Variants in TMEM132D observed in about 807,000 individuals in gnomAD.
TMEM132D encodes transmembrane protein 132D.
In TMEM132D, 21 loss-of-function variants were observed where a neutral mutation model predicts 62.3. That is an observed-to-expected ratio of 0.34 (90% CI 0.24 to 0.49). TMEM132D has a LOEUF of 0.49. Among genes scored for constraint, TMEM132D ranks in the 20% least tolerant of loss-of-function variants. The pLI, the probability that TMEM132D is intolerant of heterozygous loss-of-function variation, is 0.99. For synonymous variants in TMEM132D, 621 were observed against 575.6 expected, an observed-to-expected ratio of 1.08 and a Z score of -1.13; for missense variants, 1,346 against 1,402.8, an observed-to-expected ratio of 0.96 and a Z score of 0.65.
At chr12:129,501,852 T>TTGTCATCATCACTATCTTGGG (rs1875153453) in intron 3 of TMEM132D, among the ~76,000 whole-genome samples, 3 of 152,076 alleles carry the variant, frequency 2.0e-5, no homozygotes, top group Non-Finnish European at 4.4e-5. Flanking sequence ...ATGTGAGGGC[T>TTGTCATCATCACTATCTTGGG]TGTCATCATC....
intron 3 of TMEM132D, among the ~76,000 whole-genome samples, chr12:129,373,877 G>A (rs1263727599): frequency 1.3e-5 from 2 of 152,136 alleles, no homozygotes; most frequent in East Asian, 1.9e-4. Context: ...ATTATCATTC[G>A]ATTTCCCATT....
At chr12:129,385,949 A>G (rs947810161) in intron 3 of TMEM132D, among the ~76,000 whole-genome samples, 4 of 152,140 alleles carry the variant, frequency 2.6e-5, no homozygotes, top group Non-Finnish European at 5.9e-5. Flanking sequence ...CCTCTTAGCT[A>G]ACATCCACTG....
chr12:129,263,166 T>C (rs2135596380), intron 4 of TMEM132D, among the ~76,000 whole-genome samples: 1 of 152,296 alleles, frequency 6.6e-6, no homozygotes, highest in African/African-American at 2.4e-5. Flanking sequence ...GAGCATCCTT[T>C]ACCTTTGCTT....
chr12:129,783,146 T>C (rs1871167544), intron 1 of TMEM132D, among the ~76,000 whole-genome samples: 1 of 152,208 alleles, frequency 6.6e-6, no homozygotes, highest in African/African-American at 2.4e-5. Context: ...TCAACATTAA[T>C]GCAAGTGCTT....
chr12:129,535,472 C>G (rs891620336), intron 2 of TMEM132D, among the ~76,000 whole-genome samples: 5 of 152,186 alleles, frequency 3.3e-5, no homozygotes, highest in African/African-American at 7.2e-5. Flanking sequence ...GATGTGTCAG[C>G]CTCCTAAAGT....
At chr12:129,643,551 G>A (rs1009272660) in intron 2 of TMEM132D, among the ~76,000 whole-genome samples, 1 of 152,102 alleles carries the variant, frequency 6.6e-6, no homozygotes, top group Admixed American at 6.5e-5. Context: ...CTTTTCTAGT[G>A]GATGGACACA....
At chr12:129,170,576 G>C (rs1459289097) in intron 5 of TMEM132D, among the ~76,000 whole-genome samples, 1 of 152,122 alleles carries the variant, frequency 6.6e-6, no homozygotes, top group Non-Finnish European at 1.5e-5. Context: ...CTGTAATCCA[G>C]CACTTTTGTG....
chr12:129,416,529 T>C (rs1187787055), intron 3 of TMEM132D, among the ~76,000 whole-genome samples: 7 of 152,156 alleles, frequency 4.6e-5, no homozygotes, highest in Non-Finnish European at 1.0e-4. Flanking sequence ...CTCTTTCTAT[T>C]TGAATACGCT....
intron 3 of TMEM132D, among the ~76,000 whole-genome samples, chr12:129,520,553 G>A (rs779477975): frequency 6.6e-6 from 1 of 152,100 alleles, no homozygotes; most frequent in East Asian, 1.9e-4. Context: ...GAGCATGTAA[G>A]TGACCCTGAA....
intron 3 of TMEM132D, among the ~76,000 whole-genome samples, chr12:129,410,600 C>T (rs1871940445): frequency 6.6e-6 from 1 of 152,148 alleles, no homozygotes; most frequent in African/African-American, 2.4e-5. Context: ...CCTCATGATC[C>T]ACCCGCCTCA....
intron 1 of TMEM132D, among the ~76,000 whole-genome samples, chr12:129,783,537 C>A (rs533461561): frequency 3.3e-5 from 5 of 152,122 alleles, no homozygotes; most frequent in African/African-American, 7.2e-5. Context: ...ATATTCCAGG[C>A]GTACTTGTTT....
intron 2 of TMEM132D, among the ~76,000 whole-genome samples, chr12:129,636,952 G>A (rs1418423259): frequency 1.3e-5 from 2 of 151,992 alleles, no homozygotes; most frequent in South Asian, 2.1e-4. Flanking sequence ...ATTATGTTAT[G>A]TACATAGAAG....
At position 129,074,266 on chromosome 12, in the gene TMEM132D, C is replaced by T. The variant is rs747847401; in HGVS notation, c.2909G>A (p.Arg970Gln). 59 of 1,613,950 alleles carry T rather than the reference C, an allele frequency of 3.7e-5. No homozygotes were observed. Among genetic ancestry groups the T allele is most frequent in the Admixed American group, 5.0e-5 (3 of 60,000 alleles). ...GATGTGATTCTCCAACAGCTCTGTC[C>T]GGTTGCTTAACCCAACCCAGTCATG... ...HSHDWVGLSN[R>Q]TELLENHINF... The change falls in exon 9 of 9, where the codon CGG (arginine) becomes CAG (glutamine). Residue 970 changes from arginine (R) to glutamine (Q), a missense_variant. By Grantham distance (43) the Arg-to-Gln change is conservative. Coordinates refer to ENST00000422113, the MANE Select transcript of TMEM132D (RefSeq NM_133448.3).
chr12:129,370,311 T>C (rs1297842318), intron 3 of TMEM132D, among the ~76,000 whole-genome samples: 1 of 152,222 alleles, frequency 6.6e-6, no homozygotes, highest in African/African-American at 2.4e-5. Context: ...TAATGATTTT[T>C]AAAGAATTGT....
intron 2 of TMEM132D, among the ~76,000 whole-genome samples, chr12:129,579,543 T>C (rs558581171): frequency 6.6e-6 from 1 of 152,320 alleles, no homozygotes; most frequent in South Asian, 2.1e-4. Context: ...TGAGAGCCCC[T>C]GGCAAACCAG....
intron 1 of TMEM132D, among the ~76,000 whole-genome samples, chr12:129,733,869 C>T (rs531721400): frequency 1.3e-5 from 2 of 152,266 alleles, no homozygotes; most frequent in African/African-American, 4.8e-5. Flanking sequence ...ATCAGATGTG[C>T]CGCATGAGGC....
At chr12:129,715,243 A>G (rs1371554929) in intron 1 of TMEM132D, among the ~76,000 whole-genome samples, 1 of 151,824 alleles carries the variant, frequency 6.6e-6, no homozygotes, top group Non-Finnish European at 1.5e-5. Context: ...GAGGAAGAGG[A>G]GCATGAGCAG....
intron 1 of TMEM132D, among the ~76,000 whole-genome samples, chr12:129,873,829 G>A (rs191024369): frequency 6.6e-6 from 1 of 152,334 alleles, no homozygotes; most frequent in East Asian, 1.9e-4. Context: ...TCATTTGCCA[G>A]AGAAAAGTAT....
intron 5 of TMEM132D, among the ~76,000 whole-genome samples, chr12:129,192,754 C>T (rs1232932538): frequency 6.6e-6 from 1 of 152,142 alleles, no homozygotes; most frequent in African/African-American, 2.4e-5. Flanking sequence ...GTGTGTTGCA[C>T]ACTCAGATAC....
Sources: allele counts gnomAD v4.1 joint callset (sites outside exome capture counted in the v4.1 genomes callset), GRCh38; gene constraint gnomAD v4.1.1; transcripts MANE v1.5; gene names NCBI Gene and HGNC (gene_info 2026-07-23, HGNC 2026-07-21).